Variants in CPVL observed in about 807,000 individuals in gnomAD.
The protein encoded by CPVL is carboxypeptidase vitellogenic like.
In CPVL, 51 loss-of-function variants were observed where a neutral mutation model predicts 63.7. That is an observed-to-expected ratio of 0.80 (90% confidence interval 0.64 to 1.01). The LOEUF is 1.01. Among genes scored for constraint, CPVL ranks in the 50% least tolerant of loss-of-function variants. The pLI is 0.00. For synonymous variants in CPVL, 195 were observed against 206.0 expected, an observed-to-expected ratio of 0.95 and a Z score of 0.46; for missense variants, 530 against 573.1, an observed-to-expected ratio of 0.92 and a Z score of 0.77.
chr7:29,139,566 A>G lies in CPVL; in HGVS notation c.-11+6863T>C, dbSNP rs958770481. 1.2e-4 allele frequency among the ~76,000 whole-genome samples: 19 copies of G among 152,222 alleles called. No homozygotes were observed. In the East Asian group the frequency reaches 3.7e-3, roughly 29 times the overall value. ...GGGGGGCTACAACACTGATTAAATT[A>G]CATGTTTTTTAAGCACAGATTTTTT... is the stretch of plus-strand genomic sequence containing the variant. On this transcript the variant is annotated intron_variant, in intron 1 of 12. Coordinates refer to ENST00000265394, the MANE Select transcript of CPVL (RefSeq NM_031311.5).
intron 12 of CPVL, among the ~76,000 whole-genome samples, chr7:28,998,231 C>A (rs2128122148): frequency 6.6e-6 from 1 of 152,286 alleles, no homozygotes; most frequent in Non-Finnish European, 1.5e-5. Context: ...GGACACTTAA[C>A]AAAGTCATAT....
At chr7:29,141,810 G>A (rs1176642307) in intron 1 of CPVL, among the ~76,000 whole-genome samples, 1 of 151,832 alleles carries the variant, frequency 6.6e-6, no homozygotes, top group Non-Finnish European at 1.5e-5. Context: ...AGCTACTCAG[G>A]AGGCTGAGGC....
chr7:29,009,709 A>G (rs1286432820), intron 12 of CPVL: 1 of 152,178 alleles, frequency 6.6e-6, no homozygotes, highest in African/African-American at 2.4e-5. Context: ...ATGGATACGT[A>G]TGTCTGCAGT....
Position 29,036,933 on chromosome 7 carries a change from C to A in CPVL, c.1138-6174G>T, listed in dbSNP as rs138257564. On this transcript the variant is annotated intron_variant, in intron 11 of 12. Coordinates refer to ENST00000265394, the MANE Select transcript of CPVL (RefSeq NM_031311.5). ...AAGTCAGTGTACCATGATCCCCCAA[C>A]AGGTGACTGAAATTCAAGTTCAGAT... Among the ~76,000 whole-genome samples, 453 of 152,274 alleles carry A rather than the reference C, an allele frequency of 3.0e-3. 1 individual carries two copies. Among genetic ancestry groups the A allele is most frequent in the African/African-American group, 0.01 (430 of 41,544 alleles).
intron 8 of CPVL, 38 bp downstream of exon 8, chr7:29,072,263 C>A (rs17748684): frequency 0.026 from 41,613 of 1,611,406 alleles, 737 homozygotes; most frequent in Non-Finnish European, 0.028. Flanking sequence ...TTTAATCCCC[C>A]TAAGAGACAA....
chr7:29,181,372 G>T (rs1798033945), exon 5 of CPVL: 1 of 152,150 alleles, frequency 6.6e-6, no homozygotes, highest in Non-Finnish European at 1.5e-5. Flanking sequence ...TGTGCAGCTG[G>T]TGCCCATGCC....
chr7:29,079,054 C>G (rs532729019), intron 7 of CPVL, among the ~76,000 whole-genome samples: 1 of 152,284 alleles, frequency 6.6e-6, no homozygotes, highest in Admixed American at 6.5e-5. Context: ...GTCCTTATAT[C>G]ACTTGAAACT....
intron 11 of CPVL, among the ~76,000 whole-genome samples, chr7:29,033,472 C>T (rs1788231633): frequency 2.0e-5 from 3 of 152,218 alleles, no homozygotes; most frequent in Non-Finnish European, 4.4e-5. Flanking sequence ...TGTCTACACA[C>T]TCATCCCACT....
intron 12 of CPVL, among the ~76,000 whole-genome samples, chr7:29,027,287 C>G (rs190052348): frequency 6.6e-6 from 1 of 152,232 alleles, no homozygotes; most frequent in Admixed American, 6.5e-5. Flanking sequence ...AATCCAACAT[C>G]CCTTCATGAT....
At chr7:29,156,146 T>C (rs1464563681) in intron 5 of CPVL, among the ~76,000 whole-genome samples, 1 of 152,228 alleles carries the variant, frequency 6.6e-6, no homozygotes. Context: ...ATATTTACTT[T>C]TGAGTTTTTT....
At chr7:29,159,152 T>C (rs777373491) in intron 5 of CPVL, among the ~76,000 whole-genome samples, 2 of 152,156 alleles carry the variant, frequency 1.3e-5, no homozygotes, top group African/African-American at 4.8e-5. Flanking sequence ...TGAGAAAGCA[T>C]TGTGCAGACT....
At chr7:29,067,154 C>A (rs529936367) in intron 9 of CPVL, among the ~76,000 whole-genome samples, 7 of 152,074 alleles carry the variant, frequency 4.6e-5, no homozygotes, top group Non-Finnish European at 8.8e-5. Context: ...CAGCTGCCAG[C>A]ATTTTAGGGT....
At position 29,176,292 on chromosome 7, in the gene CPVL, A is replaced by G. The variant is rs1053842494; in HGVS notation, c.-11+4998T>C. On this transcript the variant is annotated intron_variant, in intron 5 of 16. Coordinates refer to the CPVL transcript ENST00000409850. The stretch of plus-strand genomic sequence containing the variant: ...AGAAGGCCAATAGGTCCTGAGCAGG[A>G]TAAATAAAAATAAAGTCACATTTAG... Among the ~76,000 whole-genome samples the G allele has an allele frequency of 3.3e-5, 5 of 152,212 alleles. No homozygotes were observed. In the East Asian group the frequency reaches 9.6e-4, roughly 29 times the overall value.
intron 11 of CPVL, among the ~76,000 whole-genome samples, chr7:29,042,906 C>G (rs1789256733): frequency 6.6e-6 from 1 of 152,220 alleles, no homozygotes; most frequent in Admixed American, 6.5e-5. Context: ...GGTCAGGGAG[C>G]AGAGCATTCC....
chr7:29,121,114 A>G (rs991654424), intron 1 of CPVL, 43 bp from the exon 2 acceptor site: 1 of 1,503,220 alleles, frequency 6.7e-7, no homozygotes, highest in African/African-American at 1.4e-5. Context: ...ATAAGAGTAA[A>G]TATTTACCTG....
chr7:28,995,021 A>AACAG (rs398111185), downstream of CPVL, among the ~76,000 whole-genome samples: 2 of 151,776 alleles, frequency 1.3e-5, no homozygotes, highest in African/African-American at 4.8e-5. Context: ...TATTCTAACA[A>AACAG]TGATACAAAA....
chr7:29,042,317 A>T (rs1789185373), intron 11 of CPVL, among the ~76,000 whole-genome samples: 1 of 152,178 alleles, frequency 6.6e-6, no homozygotes, highest in South Asian at 2.1e-4. Flanking sequence ...ATATAATAGT[A>T]ATGGGCCAGG....
rs1371315232 is a variant in CPVL at position 29,037,323 on chromosome 7, T to C, written c.1138-6564A>G. Among the ~76,000 whole-genome samples the C allele has an allele frequency of 2.0e-5, 3 of 151,390 alleles. No individual in the cohort carries two copies. In the East Asian group the frequency reaches 5.8e-4, roughly 29 times the overall value. Reference sequence around the variant, plus strand: ...ACTTTGGGAGGCCGAGGTGGGCGGATCACAAGGTCAGGAGATGGAGACCAT... The same window carrying C: ...ACTTTGGGAGGCCGAGGTGGGCGGACCACAAGGTCAGGAGATGGAGACCAT... On this transcript the variant is annotated intron_variant, in intron 11 of 12. Coordinates refer to ENST00000265394, the MANE Select transcript of CPVL (RefSeq NM_031311.5).
At chr7:29,038,081 G>T (rs1788726137) in intron 11 of CPVL, among the ~76,000 whole-genome samples, 1 of 152,206 alleles carries the variant, frequency 6.6e-6, no homozygotes, top group African/African-American at 2.4e-5. Context: ...AGTTGGCTGT[G>T]TGAGGCTTGC....
Sources: gnomAD v4.1 joint callset for allele counts (sites outside exome capture counted in the v4.1 genomes callset) on GRCh38, gnomAD v4.1.1 for gene constraint, MANE v1.5 for transcripts, NCBI Gene and HGNC (gene_info 2026-07-23, HGNC 2026-07-21) for gene names.